Variants in GPHN observed in about 807,000 individuals in gnomAD.
GPHN encodes gephyrin.
A neutral mutation model predicts 95.5 loss-of-function variants in GPHN; 17 were observed. The ratio of observed to expected loss-of-function variants is 0.18; its 90% CI spans 0.12 to 0.27. The LOEUF is 0.27. GPHN is among the 10% of genes least tolerant of loss of function. The probability of loss-of-function intolerance (pLI) is 1.00; values close to 1 mark genes in which losing one functional copy is unlikely to be tolerated. For missense variants in GPHN, 660 were observed against 978.1 expected (o/e 0.67, Z 4.34); for synonymous variants, 320 against 322.5 (o/e 0.99, Z 0.08).
At chr14:67,352,926 T>C in the GPHN span, 1 of 1,599,180 alleles carries the variant, frequency 6.3e-7, no homozygotes, top group Non-Finnish European at 8.6e-7. Flanking sequence ...ATTCTACCTC[T>C]ATTATCTTCT....
At chr14:66,593,586 T>C (rs1423546715) in intron 1 of GPHN, among the ~76,000 whole-genome samples, 2 of 152,144 alleles carry the variant, frequency 1.3e-5, no homozygotes, top group African/African-American at 4.8e-5. Context: ...CCAGGTCTCT[T>C]TCTCAACACC....
chr14:67,690,122 G>A, the GPHN span: 95 of 1,129,186 alleles, frequency 8.4e-5, no homozygotes, highest in Non-Finnish European at 1.2e-4. Flanking sequence ...TCCTCTCCAG[G>A]TGATGGGCTC....
chr14:66,709,421 C>T (rs2069401916), intron 2 of GPHN: 2 of 455,806 alleles, frequency 4.4e-6, no homozygotes, highest in South Asian at 3.1e-5. Context: ...CCAAGTACTG[C>T]GATACCACAA....
chr14:66,677,601 T>C (rs1020385981), intron 1 of GPHN, among the ~76,000 whole-genome samples: 9 of 152,164 alleles, frequency 5.9e-5, no homozygotes, highest in Admixed American at 5.2e-4. Flanking sequence ...AAGTTCCTCT[T>C]GTTACTAATT....
chr14:67,507,633 G>A, the GPHN span, among the ~76,000 whole-genome samples: 753 of 152,202 alleles, frequency 4.9e-3, 4 homozygotes, highest in Middle Eastern at 0.017. Flanking sequence ...TAAAGACAAG[G>A]TCTCACTGTG....
At chr14:66,981,023 T>G (rs1366856881) in intron 9 of GPHN, among the ~76,000 whole-genome samples, 1 of 152,184 alleles carries the variant, frequency 6.6e-6, no homozygotes. Flanking sequence ...CATTCCAGCC[T>G]GGGCAACAAG....
intron 8 of GPHN, among the ~76,000 whole-genome samples, chr14:66,960,370 A>G (rs986905543): frequency 6.6e-6 from 1 of 150,986 alleles, no homozygotes; most frequent in Non-Finnish European, 1.5e-5. Flanking sequence ...TTTAAATATT[A>G]TAAGTGGCAA....
chr14:66,554,955 T>C (rs1051345028), intron 1 of GPHN, among the ~76,000 whole-genome samples: 2 of 152,204 alleles, frequency 1.3e-5, no homozygotes, highest in Non-Finnish European at 2.9e-5. Context: ...TCATATATTC[T>C]AGTACCCAAA....
At chr14:67,623,994 G>A in the GPHN span, among the ~76,000 whole-genome samples, 3 of 152,010 alleles carry the variant, frequency 2.0e-5, no homozygotes, top group Non-Finnish European at 2.9e-5. Flanking sequence ...ACACATGCCA[G>A]TATGCCTGGA....
At position 67,011,573 on chromosome 14, in the gene GPHN, C is replaced by CAAA. The variant is rs201978777; in HGVS notation, c.964-12039_964-12037dup. On this transcript the variant is annotated intron_variant, in intron 9 of 22. Coordinates refer to ENST00000478722, the MANE Select transcript of GPHN (RefSeq NM_020806.5). Reference sequence around the variant, plus strand: ...TGGACAGTAGAGTGAGACCTTGCCTCAAAAAAAAAAAAAAAAAAAAAAAGA... The same window carrying CAAA: ...TGGACAGTAGAGTGAGACCTTGCCTCAAAAAAAAAAAAAAAAAAAAAAAAAAGA... 1.5e-3 allele frequency among the ~76,000 whole-genome samples: 94 copies of CAAA among 62,756 alleles called. 2 individuals are homozygous for CAAA. Among genetic ancestry groups the CAAA allele is most frequent in the African/African-American group, 3.4e-3 (58 of 16,868 alleles). The allele number at this position is 62,756 out of a possible 152,430, so 41.2% of individuals were successfully genotyped here.
chr14:66,573,666 A>G (rs920509583), intron 1 of GPHN, among the ~76,000 whole-genome samples: 2 of 152,180 alleles, frequency 1.3e-5, no homozygotes, highest in African/African-American at 4.8e-5. Flanking sequence ...CATGTTGGCC[A>G]GGATGGTCTC....
At chr14:67,051,219 G>C (rs2075292838) in intron 10 of GPHN, among the ~76,000 whole-genome samples, 1 of 152,212 alleles carries the variant, frequency 6.6e-6, no homozygotes, top group Non-Finnish European at 1.5e-5. Flanking sequence ...GGGAGAGACG[G>C]CTGCCATCAC....
intron 1 of GPHN, among the ~76,000 whole-genome samples, chr14:66,538,038 A>G (rs1029067078): frequency 6.6e-6 from 1 of 152,004 alleles, no homozygotes; most frequent in Admixed American, 6.5e-5. Flanking sequence ...CACTATGTTG[A>G]CCAGGCTGGT....
chr14:66,700,473 C>G (rs2153414212), intron 2 of GPHN, among the ~76,000 whole-genome samples: 1 of 152,188 alleles, frequency 6.6e-6, no homozygotes, highest in South Asian at 2.1e-4. Context: ...TTATTTCTCC[C>G]TTATGATCTA....
chr14:66,532,296 G>A (rs1040576789), intron 1 of GPHN, among the ~76,000 whole-genome samples: 3 of 152,150 alleles, frequency 2.0e-5, no homozygotes, highest in Non-Finnish European at 4.4e-5. Context: ...TGGGATTGTT[G>A]GCCAGGGCTT....
chr14:67,523,684 G>A, the GPHN span, among the ~76,000 whole-genome samples: 4 of 152,208 alleles, frequency 2.6e-5, no homozygotes, highest in Non-Finnish European at 5.9e-5. Context: ...CTCTGGCTTT[G>A]GCTCAAGATT....
the GPHN span, among the ~76,000 whole-genome samples, chr14:67,713,612 C>CT: frequency 6.6e-6 from 1 of 151,988 alleles, no homozygotes; most frequent in Non-Finnish European, 1.5e-5. Flanking sequence ...ATTGAGAATC[C>CT]TTTTGTGGTT....
intron 2 of GPHN, among the ~76,000 whole-genome samples, chr14:66,728,896 G>A (rs1253334927): frequency 6.6e-6 from 1 of 152,116 alleles, no homozygotes; most frequent in Non-Finnish European, 1.5e-5. Flanking sequence ...GAATGATATG[G>A]TTTGGCTGTG....
intron 9 of GPHN, among the ~76,000 whole-genome samples, chr14:66,971,827 A>G (rs902985063): frequency 2.0e-5 from 3 of 152,172 alleles, no homozygotes; most frequent in African/African-American, 7.2e-5. Context: ...AATTCTTCCA[A>G]AAGTTGACAT....
Sources: allele counts gnomAD v4.1 joint callset (sites outside exome capture counted in the v4.1 genomes callset), GRCh38; gene constraint gnomAD v4.1.1; transcripts MANE v1.5; gene names NCBI Gene and HGNC (gene_info 2026-07-23, HGNC 2026-07-21).